ERC1: variants seen among roughly 807,000 people sequenced by gnomAD.
ERC1 encodes RAB6 interacting protein 2.
Under a neutral mutation model 132.0 loss-of-function variants are expected in ERC1, and 56 were observed. The observed-to-expected ratio is 0.42, with a 90% CI of 0.34 to 0.53. The LOEUF (loss-of-function observed/expected upper bound fraction) is 0.53, where lower values mean the gene tolerates loss of function less well. ERC1 is among the 20% of genes least tolerant of loss of function. ERC1 has a pLI of 0.03. For synonymous variants in ERC1, 478 were observed against 476.1 expected, an observed-to-expected ratio of 1.00 and a Z score of -0.05; for missense variants, 1,202 against 1,349.9, an observed-to-expected ratio of 0.89 and a Z score of 1.72.
At chr12:1,265,016 T>C (rs2077389820) in intron 14 of ERC1, among the ~76,000 whole-genome samples, 1 of 152,210 alleles carries the variant, frequency 6.6e-6, no homozygotes, top group Admixed American at 6.5e-5. Context: ...AATGAACTTT[T>C]TGCAGAATGA....
chr12:1,173,582 C>A (rs1050244225), intron 8 of ERC1, among the ~76,000 whole-genome samples: 1 of 152,110 alleles, frequency 6.6e-6, no homozygotes, highest in East Asian at 1.9e-4. Context: ...TCTTATAAAT[C>A]TTATATTTCA....
Position 1,158,624 on chromosome 12 carries a change from T to A in ERC1, c.1737+16837T>A, listed in dbSNP as rs1330354704. On this transcript the variant is annotated intron_variant, in intron 8 of 18. Coordinates refer to ENST00000360905, the MANE Select transcript of ERC1 (RefSeq NM_178040.4). The stretch of plus-strand genomic sequence containing the variant: ...TTTCTTTTCTTTTTTTTTTTTTTTT[T>A]ATAGTTTTAGTAGAGATGGGGTTTC... Among the ~76,000 whole-genome samples the A allele has an allele frequency of 1.0e-4, 14 of 137,008 alleles. No homozygotes were observed. The East Asian group carries it at 2.0e-3, about 20-fold the overall frequency. 89.9% of individuals were successfully genotyped at this position (137,008 alleles called of 152,430 possible). A position where few individuals can be genotyped will look rare whatever the true frequency, so the allele number is the denominator to read the frequency against.
At chr12:1,258,724 A>G (rs796353784) in intron 13 of ERC1, among the ~76,000 whole-genome samples, 2 of 152,330 alleles carry the variant, frequency 1.3e-5, no homozygotes, top group African/African-American at 4.8e-5. Flanking sequence ...GTTATTTAGA[A>G]CATCCCATGG....
intron 12 of ERC1, among the ~76,000 whole-genome samples, chr12:1,211,975 C>T (rs972208832): frequency 2.1e-5 from 3 of 145,254 alleles, no homozygotes; most frequent in Non-Finnish European, 1.5e-5. Context: ...TGCTTATTGT[C>T]ATTATTAGTT....
At chr12:1,098,619 C>T (rs922175028) in intron 3 of ERC1, among the ~76,000 whole-genome samples, 4 of 152,228 alleles carry the variant, frequency 2.6e-5, no homozygotes, top group African/African-American at 9.6e-5. Flanking sequence ...CATCTCTCAT[C>T]AGAGTCACCA....
At chr12:1,201,084 A>G (rs966974564) in intron 12 of ERC1, among the ~76,000 whole-genome samples, 2 of 152,174 alleles carry the variant, frequency 1.3e-5, no homozygotes, top group Admixed American at 6.5e-5. Context: ...CTATATTCTT[A>G]TACAATTTAA....
intron 18 of ERC1, among the ~76,000 whole-genome samples, chr12:1,448,413 T>C (rs1192977500): frequency 6.6e-6 from 1 of 152,210 alleles, no homozygotes; most frequent in African/African-American, 2.4e-5. Flanking sequence ...CGTGCTTCCT[T>C]ACCCCAAGTA....
chr12:1,327,059 A>G (rs2082494984), intron 15 of ERC1, among the ~76,000 whole-genome samples: 1 of 152,164 alleles, frequency 6.6e-6, no homozygotes, highest in Non-Finnish European at 1.5e-5. Flanking sequence ...CTCTTTTTAT[A>G]CCTAATATTA....
At chr12:1,263,914 T>A (rs1249770855) in intron 14 of ERC1, among the ~76,000 whole-genome samples, 1 of 151,746 alleles carries the variant, frequency 6.6e-6, no homozygotes, top group African/African-American at 2.4e-5. Context: ...GGTCTCGAAC[T>A]CCTGACCTCA....
chr12:1,258,572 C>G (rs1448731764), intron 13 of ERC1, among the ~76,000 whole-genome samples: 1 of 152,152 alleles, frequency 6.6e-6, no homozygotes, highest in Non-Finnish European at 1.5e-5. Context: ...TTGGCTCACT[C>G]ACTTTCAAGG....
At chr12:1,382,480 G>T (rs200446451) in intron 16 of ERC1, among the ~76,000 whole-genome samples, 1 of 152,190 alleles carries the variant, frequency 6.6e-6, no homozygotes, top group East Asian at 1.9e-4. Flanking sequence ...ATGTCTAAGT[G>T]TTGGCAGCTA....
chr12:1,248,271 A>C (rs1254260844), intron 13 of ERC1, among the ~76,000 whole-genome samples: 1 of 152,222 alleles, frequency 6.6e-6, no homozygotes, highest in African/African-American at 2.4e-5. Flanking sequence ...GTTATACAGC[A>C]GTGAAAAGAC....
At chr12:1,213,322 C>G (rs1167938594) in intron 12 of ERC1, among the ~76,000 whole-genome samples, 1 of 152,106 alleles carries the variant, frequency 6.6e-6, no homozygotes, top group African/African-American at 2.4e-5. Flanking sequence ...GAGACAGATT[C>G]TGTGGAAGAA....
At chr12:1,247,937 G>A (rs764435909) in intron 13 of ERC1, among the ~76,000 whole-genome samples, 9 of 152,052 alleles carry the variant, frequency 5.9e-5, no homozygotes, top group East Asian at 1.9e-4. Flanking sequence ...TGGAGGTTGC[G>A]GTGAGCCGAG....
chr12:1,269,490 C>T (rs1594680090), intron 14 of ERC1, among the ~76,000 whole-genome samples: 1 of 152,088 alleles, frequency 6.6e-6, no homozygotes, highest in South Asian at 2.1e-4. Flanking sequence ...TATGCAGGGC[C>T]TTTTATATAA....
chr12:1,166,257 G>T (rs1465245943), intron 8 of ERC1, among the ~76,000 whole-genome samples: 2 of 152,114 alleles, frequency 1.3e-5, no homozygotes, highest in Non-Finnish European at 2.9e-5. Flanking sequence ...TCTTGCAATA[G>T]TGAATAAGTC....
At chr12:1,485,977 A>G (rs1037106480) in intron 18 of ERC1, among the ~76,000 whole-genome samples, 1 of 152,244 alleles carries the variant, frequency 6.6e-6, no homozygotes, top group Non-Finnish European at 1.5e-5. Context: ...TATAAGCAAG[A>G]ATACAACCAT....
intron 12 of ERC1, among the ~76,000 whole-genome samples, chr12:1,225,449 TACACACAC>T (rs67132193): frequency 3.9e-4 from 51 of 131,844 alleles, no homozygotes; most frequent in Admixed American, 1.4e-3. Flanking sequence ...GGCTGTCTCT[TACACACAC>T]ACACACACAC....
chr12:1,059,172 ATATGTTGATTTTT>A (rs1420676402), intron 2 of ERC1, among the ~76,000 whole-genome samples: 2 of 152,016 alleles, frequency 1.3e-5, no homozygotes, highest in Non-Finnish European at 2.9e-5. Flanking sequence ...ACTGATTTTT[ATATGTTGATTTTT>A]TATCCTGCAA....
Sources: gnomAD v4.1 joint callset for allele counts (sites outside exome capture counted in the v4.1 genomes callset) on GRCh38, gnomAD v4.1.1 for gene constraint, MANE v1.5 for transcripts, NCBI Gene and HGNC (gene_info 2026-07-23, HGNC 2026-07-21) for gene names.